PPIL2: variants seen among roughly 807,000 people sequenced by gnomAD.
PPIL2 encodes peptidylprolyl isomerase like 2.
In PPIL2, 50 loss-of-function variants were observed where a neutral mutation model predicts 75.2. The ratio of observed to expected loss-of-function variants is 0.66; its 90% CI spans 0.53 to 0.84. The LOEUF (loss-of-function observed/expected upper bound fraction) is 0.84. PPIL2 is among the 40% of genes least tolerant of loss of function. PPIL2 has a pLI of 0.00. For synonymous variants in PPIL2, 245 were observed against 258.8 expected, an observed-to-expected ratio of 0.95 and a Z score of 0.51; for missense variants, 590 against 685.0, an observed-to-expected ratio of 0.86 and a Z score of 1.55.
chr22:21,687,336 ACT>A (rs1207712536), intron 12 of PPIL2, among the ~76,000 whole-genome samples: 1 of 151,882 alleles, frequency 6.6e-6, no homozygotes, highest in African/African-American at 2.4e-5. Context: ...TGGGCAGCTG[ACT>A]CTGCTACATG....
chr22:21,679,124 G>A (rs965601421), intron 6 of PPIL2, among the ~76,000 whole-genome samples: 2 of 151,934 alleles, frequency 1.3e-5, no homozygotes, highest in African/African-American at 4.8e-5. Context: ...TCAAACTCCC[G>A]ACCTCAGGTG....
At chr22:21,674,547 G>GGA (rs926005668) in intron 5 of PPIL2, among the ~76,000 whole-genome samples, 2 of 152,240 alleles carry the variant, frequency 1.3e-5, no homozygotes, top group African/African-American at 4.8e-5. Flanking sequence ...CATGAGGTCA[G>GGA]GAGATTAGCC....
At chr22:21,695,312 C>T (rs191592275) in intron 19 of PPIL2, 82 bp from the exon 20 acceptor site, 35 of 1,483,322 alleles carry the variant, frequency 2.4e-5, no homozygotes, top group East Asian at 7.4e-5. Context: ...GGGCCTACAC[C>T]GGGAGGGCTG....
intron 1 of PPIL2, 114 bp downstream of exon 1, chr22:21,666,245 G>C (rs2066370176): frequency 1.6e-6 from 2 of 1,249,542 alleles, no homozygotes; most frequent in Non-Finnish European, 2.2e-6. Flanking sequence ...ACAGCCCAAA[G>C]GTCACTTCCT....
chr22:21,693,972 A>G, intron 16 of PPIL2, 100 bp downstream of exon 16: 1 of 1,275,068 alleles, frequency 7.8e-7, no homozygotes. Context: ...GACCTGAGTC[A>G]TGTGCCATGC....
At position 21,686,128 on chromosome 22, in the gene PPIL2, C is replaced by T. The variant is rs1369733650; in HGVS notation, c.715-355C>T. Among the ~76,000 whole-genome samples the T allele has an allele frequency of 2.0e-5, 3 of 152,170 alleles. No homozygotes were observed. In the South Asian group the frequency reaches 6.2e-4, roughly 31 times the overall value. On this transcript the variant is annotated intron_variant, in intron 10 of 19. Transcript: ENST00000398831. ...AGTGCACCAGGATCACACACCACTG[C>T]ACTCCAGCCTGGGTACAGAGCAAGA...
chr22:21,668,553 C>A (rs2066484696), intron 1 of PPIL2, among the ~76,000 whole-genome samples: 1 of 150,490 alleles, frequency 6.6e-6, no homozygotes, highest in African/African-American at 2.4e-5. Context: ...GGCGTGAACT[C>A]ACGAGGTGGA....
chr22:21,686,755 C>A (rs1417236088), intron 11 of PPIL2, 137 bp from the exon 12 acceptor site: 5 of 1,041,226 alleles, frequency 4.8e-6, no homozygotes, highest in Non-Finnish European at 7.3e-6. Flanking sequence ...CCTAAGCAGA[C>A]CCTCGGCCTC....
At position 21,690,957 on chromosome 22, in the gene PPIL2, C is replaced by CTTTTTT. The variant is rs34639269; in HGVS notation, c.1139+2127_1139+2132dup. Among the ~76,000 whole-genome samples the CTTTTTT allele has an allele frequency of 7.3e-4, 47 of 64,694 alleles. 1 individual carries two copies. The highest frequency in any genetic ancestry group is 8.4e-4 in the Non-Finnish European group (30 of 35,590). The allele number at this position is 64,694 out of a possible 152,430, so 42.4% of individuals were successfully genotyped here. ...GCTGACAGATCAGTTGCCACCTTCT[C>CTTTTTT]TTTTTTTTTTTTTTTTTTTTTTTTG... On this transcript the variant is annotated intron_variant, in intron 15 of 19. Coordinates refer to ENST00000398831, the MANE Select transcript of PPIL2 (RefSeq NM_014337.4).
rs917679278 is a variant in PPIL2 at position 21,686,977 on chromosome 22, C to T, written c.876C>T (p.Asn292=). 2 of 1,613,182 alleles carry T rather than the reference C, an allele frequency of 1.2e-6. No homozygotes were observed. The highest frequency in any genetic ancestry group is 2.2e-5 in the South Asian group (2 of 91,056). The change falls in exon 12 of 20, where the codon AAC becomes AAT. Residue 292 remains asparagine (N), a synonymous_variant. Coordinates refer to ENST00000398831, the MANE Select transcript of PPIL2 (RefSeq NM_014337.4). ...VRLHTNKGDL[N]LELHCDLTPK... ...TGCACACCAACAAGGGCGACCTCAA[C>T]CTGGAGCTGCACTGCGACCTGGTGG...
chr22:21,689,593 A>AT (rs149547795), intron 15 of PPIL2, among the ~76,000 whole-genome samples: 3,985 of 150,188 alleles, frequency 0.027, 173 homozygotes, highest in African/African-American at 0.091. Flanking sequence ...AGTTTTTAAG[A>AT]TTTTTTTGGG....
At chr22:21,679,288 C>T (rs1601537921) in intron 6 of PPIL2, among the ~76,000 whole-genome samples, 2 of 151,840 alleles carry the variant, frequency 1.3e-5, no homozygotes, top group Admixed American at 6.6e-5. Flanking sequence ...GTGATCCTCC[C>T]GCGTCAGCAT....
At chr22:21,687,944 G>T (rs2067444123) in intron 13 of PPIL2, 129 bp from the exon 14 acceptor site, 1 of 1,262,520 alleles carries the variant, frequency 7.9e-7, no homozygotes. Flanking sequence ...GGCTGGGAGG[G>T]CCCCTCATTA....
chr22:21,688,181 G>A, intron 14 of PPIL2, 75 bp downstream of exon 14: 2 of 1,558,956 alleles, frequency 1.3e-6, no homozygotes, highest in Non-Finnish European at 1.8e-6. Context: ...CTGGGCAGGG[G>A]TTGTGCACAG....
intron 14 of PPIL2, 79 bp from the exon 15 acceptor site, chr22:21,688,653 C>T (rs2067484831): frequency 1.3e-5 from 18 of 1,389,492 alleles, no homozygotes; most frequent in Non-Finnish European, 1.5e-5. Flanking sequence ...GCCCTGATGC[C>T]CCTCGGGACT....
Position 21,670,875 on chromosome 22 carries a change from C to T in PPIL2, c.129-122C>T, listed in dbSNP as rs2066605550. ...GAAGGTTGGTGAGAGAGGGAGGTGGCCAGGCTGCCCAGAGAGGGCTCCCTG... is the reference window on the plus strand; with the variant it reads ...GAAGGTTGGTGAGAGAGGGAGGTGGTCAGGCTGCCCAGAGAGGGCTCCCTG... On this transcript the variant is annotated intron_variant, in intron 3 of 19. Coordinates refer to ENST00000398831, the MANE Select transcript of PPIL2 (RefSeq NM_014337.4). The T allele has an allele frequency of 3.9e-6, 4 of 1,015,008 alleles. No individual in the cohort carries two copies. In the Admixed American group the frequency reaches 6.9e-5, roughly 17 times the overall value. The allele number at this position is 1,015,008 out of a possible 1,614,324, so 62.9% of individuals were successfully genotyped here. A position where few individuals can be genotyped will look rare whatever the true frequency, so the allele number is the denominator to read the frequency against.
rs563147601 is a variant in PPIL2, at chr22:21,688,814, G to A, written c.1104G>A (p.Met368Ile). The part of the protein sequence containing the change: ...LSHTGRGILS[M>I]ANSGPNSNRS... Reference sequence around the variant, plus strand: ...ACACGGGCCGCGGCATCCTCAGCATGGCCAACTCCGGGCCCAACAGCAACA... The same window carrying A: ...ACACGGGCCGCGGCATCCTCAGCATAGCCAACTCCGGGCCCAACAGCAACA... The change falls in exon 15 of 20, where the codon ATG (methionine) becomes ATA (isoleucine). Residue 368 changes from methionine to isoleucine, a missense_variant. Physicochemically the swap from Met to Ile is conservative, Grantham distance 10. Coordinates refer to ENST00000398831, the MANE Select transcript of PPIL2 (RefSeq NM_014337.4). The A allele has an allele frequency of 2.5e-6, 4 of 1,614,210 alleles. No individual in the cohort carries two copies. In the African/African-American group the frequency reaches 5.3e-5, roughly 22 times the overall value.
intron 14 of PPIL2, among the ~76,000 whole-genome samples, chr22:21,688,359 A>AGACTGAGGCCAGCCCTCCCTCC (rs2067469638): frequency 2.0e-5 from 3 of 152,218 alleles, no homozygotes; most frequent in Non-Finnish European, 2.9e-5. Context: ...GGTCTGCCTC[A>AGACTGAGGCCAGCCCTCCCTCC]GACTGAGGCC....
chr22:21,681,694 G>T (rs2148534687), intron 7 of PPIL2, among the ~76,000 whole-genome samples: 1 of 152,386 alleles, frequency 6.6e-6, no homozygotes, highest in East Asian at 1.9e-4. Context: ...TGCTGGGAAG[G>T]CACCCATGTT....
Sources: allele counts gnomAD v4.1 joint callset (sites outside exome capture counted in the v4.1 genomes callset), GRCh38; gene constraint gnomAD v4.1.1; transcripts MANE v1.5; gene names NCBI Gene and HGNC (gene_info 2026-07-23, HGNC 2026-07-21).